MARCHF1: variants seen among roughly 807,000 people sequenced by gnomAD.
MARCHF1 encodes the protein membrane associated ring-CH-type finger 1.
In MARCHF1, 40 loss-of-function variants were observed where a neutral mutation model predicts 54.2. The observed-to-expected ratio is 0.74, with a 90% CI of 0.57 to 0.96. The LOEUF is 0.96. Among genes scored for constraint, MARCHF1 ranks in the 40% least tolerant of loss-of-function variants. The probability of loss-of-function intolerance (pLI) is 0.00; values close to 1 mark genes in which losing one functional copy is unlikely to be tolerated. For missense variants in MARCHF1, 586 were observed against 656.5 expected, an observed-to-expected ratio of 0.89 and a Z score of 1.17; for synonymous variants, 236 against 236.3, an observed-to-expected ratio of 1.00 and a Z score of 0.01.
intron 8 of MARCHF1, among the ~76,000 whole-genome samples, chr4:163,550,539 C>T: frequency 6.6e-6 from 1 of 150,418 alleles, no homozygotes; most frequent in Admixed American, 6.6e-5. Flanking sequence ...CCGCCAGACC[C>T]AGGAGCTCCC....
At chr4:163,550,293 AAAAAAAAG>A (rs1290574041) in intron 8 of MARCHF1, among the ~76,000 whole-genome samples, 3 of 150,754 alleles carry the variant, frequency 2.0e-5, no homozygotes, top group East Asian at 3.9e-4. Flanking sequence ...AAAAAAAAAA[AAAAAAAAG>A]AAAAGAAAAG....
chr4:163,973,152 A>G (rs962886537), intron 3 of MARCHF1, among the ~76,000 whole-genome samples: 1 of 152,256 alleles, frequency 6.6e-6, no homozygotes, highest in African/African-American at 2.4e-5. Flanking sequence ...ACACTCTATA[A>G]CAGAGGACAG....
chr4:163,883,333 T>C (rs923450518), intron 3 of MARCHF1, among the ~76,000 whole-genome samples: 1 of 140,522 alleles, frequency 7.1e-6, no homozygotes, highest in African/African-American at 2.6e-5. Context: ...CAAGCAAGAA[T>C]TACCTACGGA....
intron 4 of MARCHF1, among the ~76,000 whole-genome samples, chr4:163,767,419 C>T (rs1747014488): frequency 6.6e-6 from 1 of 151,874 alleles, no homozygotes; most frequent in Admixed American, 6.6e-5. Context: ...CCGCAAGCTC[C>T]CCCTCCTGGG....
At chr4:164,211,118 G>A (rs1392450734) in intron 1 of MARCHF1, among the ~76,000 whole-genome samples, 3 of 151,896 alleles carry the variant, frequency 2.0e-5, no homozygotes, top group Non-Finnish European at 2.9e-5. Context: ...TTAGACAAGA[G>A]AGAAAGTTTT....
chr4:163,984,607 G>A (rs1272853686), intron 3 of MARCHF1, among the ~76,000 whole-genome samples: 3 of 152,098 alleles, frequency 2.0e-5, no homozygotes, highest in Admixed American at 1.3e-4. Flanking sequence ...GCTAGAGGTC[G>A]ACTAAATACT....
intron 1 of MARCHF1, among the ~76,000 whole-genome samples, chr4:164,269,016 G>T (rs1383829995): frequency 2.6e-5 from 4 of 152,068 alleles, no homozygotes; most frequent in African/African-American, 9.7e-5. Context: ...CAATTTTGGG[G>T]TTTATATTTT....
chr4:163,759,923 G>T (rs912643137), intron 4 of MARCHF1, among the ~76,000 whole-genome samples: 3 of 152,112 alleles, frequency 2.0e-5, no homozygotes, highest in Non-Finnish European at 4.4e-5. Context: ...CACTCATTTT[G>T]TTCTGATATC....
At position 163,769,056 on chromosome 4, in the gene MARCHF1, G is replaced by A. The variant is rs75706078; in HGVS notation, c.112-68193C>T. 5.7e-3 allele frequency among the ~76,000 whole-genome samples: 868 copies of A among 152,216 alleles called. 9 individuals carry two copies. The highest frequency in any genetic ancestry group is 0.019 in the African/African-American group (810 of 41,564). ...ATTCCTTAGTTAGCAAAAGACTATT[G>A]TAGAGAGAGGTCTCTGCTGTGCTTT... On this transcript the variant is annotated intron_variant, in intron 4 of 9. Coordinates refer to ENST00000514618, the MANE Select transcript of MARCHF1 (RefSeq NM_001394959.1).
intron 1 of MARCHF1, among the ~76,000 whole-genome samples, chr4:164,223,332 G>T (rs1732164248): frequency 2.6e-5 from 4 of 151,990 alleles, no homozygotes; most frequent in Admixed American, 2.6e-4. Flanking sequence ...CCAAAATTGT[G>T]AGGGGAGAAA....
chr4:163,649,165 GAGCACA>G (rs1742874048), intron 5 of MARCHF1, among the ~76,000 whole-genome samples: 1 of 151,832 alleles, frequency 6.6e-6, no homozygotes, highest in Non-Finnish European at 1.5e-5. Flanking sequence ...GTTTTTCTTT[GAGCACA>G]ATATGCTCCA....
chr4:163,870,311 A>C (rs1750142801), intron 3 of MARCHF1, among the ~76,000 whole-genome samples: 1 of 152,046 alleles, frequency 6.6e-6, no homozygotes, highest in African/African-American at 2.4e-5. Context: ...TCCATTTCAA[A>C]AGGTTTATCT....
chr4:163,851,935 A>G (rs1442190260), intron 4 of MARCHF1, among the ~76,000 whole-genome samples: 1 of 152,250 alleles, frequency 6.6e-6, no homozygotes, highest in Non-Finnish European at 1.5e-5. Context: ...ACATCAGCCC[A>G]TAACACAAGG....
chr4:164,027,876 C>T (rs1172610193), intron 2 of MARCHF1, among the ~76,000 whole-genome samples: 2 of 151,930 alleles, frequency 1.3e-5, no homozygotes, highest in Non-Finnish European at 2.9e-5. Flanking sequence ...CCATAAAGAA[C>T]TTATCAACAA....
intron 1 of MARCHF1, among the ~76,000 whole-genome samples, chr4:164,286,966 A>T (rs1419943296): frequency 1.3e-5 from 2 of 150,140 alleles, no homozygotes; most frequent in Non-Finnish European, 3.0e-5. Context: ...TCTCAAGGAA[A>T]GAGACTCAAG....
At chr4:163,624,301 A>G (rs532020034) in intron 5 of MARCHF1, among the ~76,000 whole-genome samples, 22 of 152,228 alleles carry the variant, frequency 1.4e-4, no homozygotes, top group Admixed American at 1.3e-3. Context: ...CAACCAAGAG[A>G]GATCAGGCGT....
rs574504917 is a variant in MARCHF1, at chr4:164,203,055, G to A, written c.-322-91393C>T. On this transcript the variant is annotated intron_variant, in intron 1 of 9. Transcript: ENST00000514618. ...TGAGTTTCTGATTTTGGAGCTGTTCGCCCCCTCTCTCTCCTTGATATAGAC... is the reference window on the plus strand; with the variant it reads ...TGAGTTTCTGATTTTGGAGCTGTTCACCCCCTCTCTCTCCTTGATATAGAC... Among the ~76,000 whole-genome samples the A allele has an allele frequency of 2.4e-4, 36 of 152,018 alleles. 1 individual carries two copies. Among genetic ancestry groups the A allele is most frequent in the South Asian group, 2.1e-4 (1 of 4,808 alleles).
At chr4:163,629,679 C>T (rs1287445639) in intron 5 of MARCHF1, among the ~76,000 whole-genome samples, 1 of 152,052 alleles carries the variant, frequency 6.6e-6, no homozygotes, top group African/African-American at 2.4e-5. Flanking sequence ...GGCTAATATC[C>T]AGAATCTAAG....
At chr4:164,094,328 G>A (rs1181541777) in intron 2 of MARCHF1, among the ~76,000 whole-genome samples, 1 of 152,144 alleles carries the variant, frequency 6.6e-6, no homozygotes, top group Non-Finnish European at 1.5e-5. Context: ...GAGCAATACA[G>A]GTACAGGTCA....
Sources: gnomAD v4.1 joint callset for allele counts (sites outside exome capture counted in the v4.1 genomes callset) on GRCh38, gnomAD v4.1.1 for gene constraint, MANE v1.5 for transcripts, NCBI Gene and HGNC (gene_info 2026-07-23, HGNC 2026-07-21) for gene names.